The following FRS2 variants were observed in gnomAD, a reference collection of about 807,000 sequenced individuals.
The protein encoded by FRS2 is FGFR signalling adaptor.
FRS2 carries 8 observed loss-of-function variants against 43.9 expected under a neutral mutation model. The observed-to-expected ratio is 0.18, with a 90% CI of 0.11 to 0.33. FRS2 has a LOEUF of 0.33. FRS2 is among the 10% of genes least tolerant of loss of function. The pLI is 1.00. For synonymous variants in FRS2, 219 were observed against 220.3 expected (o/e 0.99, Z 0.05); for missense variants, 534 against 627.6 (o/e 0.85, Z 1.59).
intron 3 of FRS2, among the ~76,000 whole-genome samples, chr12:69,543,072 G>C (rs1416500706): frequency 2.0e-5 from 3 of 152,146 alleles, no homozygotes; most frequent in African/African-American, 7.2e-5. Flanking sequence ...GAGTATACTT[G>C]CTCACATTGA....
intron 1 of FRS2, among the ~76,000 whole-genome samples, chr12:69,511,806 G>T (rs1290231877): frequency 6.6e-6 from 1 of 152,182 alleles, no homozygotes; most frequent in Admixed American, 6.5e-5. Context: ...TAGTTATGAA[G>T]TTTGTTTTGA....
At chr12:69,504,081 AGTTTT>A (rs527458748) in intron 1 of FRS2, among the ~76,000 whole-genome samples, 21 of 152,228 alleles carry the variant, frequency 1.4e-4, no homozygotes, top group Admixed American at 4.6e-4. Flanking sequence ...TGTACCTGAC[AGTTTT>A]TAAGGTGCTA....
intron 3 of FRS2, among the ~76,000 whole-genome samples, chr12:69,558,418 C>T (rs567211193): frequency 2.0e-5 from 3 of 152,288 alleles, no homozygotes; most frequent in South Asian, 4.1e-4. Flanking sequence ...CTCAGTAGTA[C>T]GAACTGACCC....
intron 8 of FRS2, 116 bp from the exon 9 acceptor site, chr12:69,573,889 G>T: frequency 1.6e-6 from 1 of 634,030 alleles, no homozygotes; most frequent in Non-Finnish European, 2.6e-6. Flanking sequence ...GAGTACATTT[G>T]GAGAGAAAGT....
chr12:69,471,655 G>T (rs1194085653), intron 1 of FRS2, among the ~76,000 whole-genome samples: 1 of 152,224 alleles, frequency 6.6e-6, no homozygotes, highest in Non-Finnish European at 1.5e-5. Flanking sequence ...ACTGCTGAAA[G>T]GTTTGTAGGA....
intron 3 of FRS2, among the ~76,000 whole-genome samples, chr12:69,559,772 A>G (rs905129920): frequency 5.3e-5 from 8 of 151,558 alleles, no homozygotes; most frequent in African/African-American, 1.9e-4. Flanking sequence ...ATATTAAAAG[A>G]CCTACCCAAT....
chr12:69,557,619 T>TGTGCGCGCGC lies in FRS2; in HGVS notation c.-121-4560_-121-4559insTGCGCGCGCG, dbSNP rs1555192498. Among the ~76,000 whole-genome samples the TGTGCGCGCGC allele has an allele frequency of 4.4e-3, 521 of 118,968 alleles. 1 individual carries two copies. Among genetic ancestry groups the TGTGCGCGCGC allele is most frequent in the Non-Finnish European group, 5.8e-3 (300 of 51,966 alleles). 78.0% of individuals were successfully genotyped at this position (118,968 alleles called of 152,430 possible). A position where few individuals can be genotyped will look rare whatever the true frequency, so the allele number is the denominator to read the frequency against. On this transcript the variant is annotated intron_variant, in intron 3 of 8. Coordinates refer to ENST00000549921, the MANE Select transcript of FRS2 (RefSeq NM_001278356.2). The stretch of plus-strand genomic sequence containing the variant: ...TTGTGTGTGTGTGTGTGTGTGTGTG[T>TGTGCGCGCGC]GCGCGCGCGCGCGCGCGCAGGTGCA...
chr12:69,522,503 T>C (rs1415930135), intron 1 of FRS2, among the ~76,000 whole-genome samples: 1 of 152,116 alleles, frequency 6.6e-6, no homozygotes, highest in African/African-American at 2.4e-5. Flanking sequence ...CTTTTATTAG[T>C]CTAGCTAGCA....
At chr12:69,512,522 A>G (rs1307127006) in intron 1 of FRS2, among the ~76,000 whole-genome samples, 1 of 152,100 alleles carries the variant, frequency 6.6e-6, no homozygotes, top group East Asian at 1.9e-4. Flanking sequence ...TTTCTAAGGG[A>G]TTGTGGTATC....
intron 1 of FRS2, among the ~76,000 whole-genome samples, chr12:69,508,687 A>G (rs1874182939): frequency 6.6e-6 from 1 of 152,148 alleles, no homozygotes. Context: ...TTCACCTCCA[A>G]TTACCAATCT....
chr12:69,529,425 A>G (rs767763286), intron 1 of FRS2, among the ~76,000 whole-genome samples: 8 of 152,048 alleles, frequency 5.3e-5, no homozygotes, highest in Non-Finnish European at 1.0e-4. Context: ...GAAGTTTGAG[A>G]CCAGCCTGGC....
At chr12:69,478,315 A>C (rs10748130) in intron 1 of FRS2, among the ~76,000 whole-genome samples, 1 of 151,962 alleles carries the variant, frequency 6.6e-6, no homozygotes, top group African/African-American at 2.4e-5. Context: ...GAAATGTTCT[A>C]TGTCTATGCT....
At chr12:69,510,251 A>G (rs1204457635) in intron 1 of FRS2, among the ~76,000 whole-genome samples, 1 of 152,210 alleles carries the variant, frequency 6.6e-6, no homozygotes, top group East Asian at 1.9e-4. Context: ...TCAAGTTACA[A>G]TTGAGCTGTT....
At chr12:69,481,770 A>G (rs1871365724) in intron 1 of FRS2, among the ~76,000 whole-genome samples, 1 of 152,110 alleles carries the variant, frequency 6.6e-6, no homozygotes, top group Non-Finnish European at 1.5e-5. Flanking sequence ...GACTTGTCTG[A>G]TTTGATCTGA....
chr12:69,574,483 T>C lies in FRS2; in HGVS notation c.1055T>C (p.Leu352Pro). Residue 352 changes from leucine to proline, a missense_variant, in exon 9 of 9, where the codon CTA becomes CCA. By Grantham distance (98) the Leu-to-Pro change is moderately conservative. Transcript: ENST00000549921. ...ACTGCATTATTAAACTATGAAAATC[T>C]ACCATCTTTGCCTCCTGTTTGGGAA... ...RRTALLNYEN[L>P]PSLPPVWEAR... is the part of the protein sequence containing the mutation. 6.2e-7 allele frequency: 1 copy of C among 1,614,020 alleles called. No individual in the cohort carries two copies. Among genetic ancestry groups the C allele is most frequent in the Non-Finnish European group, 8.5e-7 (1 of 1,179,910 alleles).
intron 1 of FRS2, among the ~76,000 whole-genome samples, chr12:69,506,629 G>A (rs1873955801): frequency 6.6e-6 from 1 of 152,050 alleles, no homozygotes. Flanking sequence ...CCAGTTCGGT[G>A]TCTACTTCTT....
intron 3 of FRS2, among the ~76,000 whole-genome samples, chr12:69,535,475 A>G (rs1017200363): frequency 2.0e-5 from 3 of 152,152 alleles, no homozygotes; most frequent in African/African-American, 4.8e-5. Context: ...ATTATTTTTC[A>G]TAATCAGATA....
At chr12:69,567,078 A>G (rs1042334622) in intron 4 of FRS2, among the ~76,000 whole-genome samples, 3 of 152,180 alleles carry the variant, frequency 2.0e-5, no homozygotes, top group African/African-American at 7.2e-5. Flanking sequence ...CCTAACCCAG[A>G]AAGTTAGTTG....
At chr12:69,497,944 G>A (rs753392234) in intron 1 of FRS2, among the ~76,000 whole-genome samples, 70 of 152,158 alleles carry the variant, frequency 4.6e-4, no homozygotes, top group Non-Finnish European at 1.6e-4. Flanking sequence ...AGGTGATTAT[G>A]AGAGTATAAC....
Sources: gnomAD v4.1 joint callset for allele counts (sites outside exome capture counted in the v4.1 genomes callset) on GRCh38, gnomAD v4.1.1 for gene constraint, MANE v1.5 for transcripts, NCBI Gene and HGNC (gene_info 2026-07-23, HGNC 2026-07-21) for gene names.